MYO6: variants seen among roughly 807,000 people sequenced by gnomAD.
MYO6 encodes the protein myosin VI.
Under a neutral mutation model 178.7 loss-of-function variants are expected in MYO6, and 74 were observed. The observed-to-expected ratio is 0.41, with a 90% confidence interval of 0.34 to 0.50. MYO6 has a LOEUF of 0.50. MYO6 is among the 20% of genes least tolerant of loss of function. The probability of loss-of-function intolerance (pLI) is 0.09; values close to 1 mark genes in which losing one functional copy is unlikely to be tolerated. For missense variants in MYO6, 1,330 were observed against 1,547.4 expected (o/e 0.86, Z 2.36); for synonymous variants, 477 against 504.6 (o/e 0.95, Z 0.73).
At chr6:75,753,340 G>A (rs1226752658) in intron 1 of MYO6, among the ~76,000 whole-genome samples, 1 of 151,616 alleles carries the variant, frequency 6.6e-6, no homozygotes, top group Non-Finnish European at 1.5e-5. Flanking sequence ...AATATAAATT[G>A]GTAATAGATC....
Position 75,848,847 on chromosome 6 carries a change from A to G in MYO6, c.1078+316A>G, listed in dbSNP as rs77381325. Among the ~76,000 whole-genome samples the G allele has an allele frequency of 6.9e-3, 1,048 of 152,250 alleles. 8 individuals are homozygous for G. The highest frequency in any genetic ancestry group is 0.024 in the African/African-American group (988 of 41,556). The stretch of plus-strand genomic sequence containing the variant: ...TTTCCAGTTATATTACACTTTTCCA[A>G]TAGGTGAGAAGATTAATTCTCTATC... On this transcript the variant is annotated intron_variant, in intron 11 of 34. Coordinates refer to ENST00000369977, the MANE Select transcript of MYO6 (RefSeq NM_004999.4).
intron 14 of MYO6, among the ~76,000 whole-genome samples, chr6:75,859,204 C>A (rs933670031): frequency 1.3e-5 from 2 of 152,120 alleles, no homozygotes; most frequent in African/African-American, 2.4e-5. Context: ...CCGATAAAAA[C>A]CCTTAATAGG....
At chr6:75,836,126 C>A (rs993838372) in intron 7 of MYO6, among the ~76,000 whole-genome samples, 170 bp downstream of exon 7, 4 of 152,320 alleles carry the variant, frequency 2.6e-5, no homozygotes, top group Non-Finnish European at 5.9e-5. Flanking sequence ...TTTCTGCCCC[C>A]ACCCGCACCT....
intron 17 of MYO6, 89 bp downstream of exon 17, chr6:75,866,710 A>G: frequency 8.1e-7 from 1 of 1,230,040 alleles, no homozygotes; most frequent in Non-Finnish European, 1.2e-6. Flanking sequence ...GTTATTAATT[A>G]TTTCACGTGG....
chr6:75,754,519 CAAAAAAAA>C (rs58162315), intron 1 of MYO6, among the ~76,000 whole-genome samples: 1 of 44,180 alleles, frequency 2.3e-5, no homozygotes, highest in South Asian at 1.6e-3. Flanking sequence ...GACTCCGTCT[CAAAAAAAA>C]AAAAAAAAAA....
chr6:75,830,596 A>C (rs372771547), intron 5 of MYO6, 51 bp downstream of exon 5: 5 of 1,534,300 alleles, frequency 3.3e-6, no homozygotes, highest in Non-Finnish European at 4.5e-6. Flanking sequence ...ATATTGTACA[A>C]ATTTACTCAA....
intron 23 of MYO6, among the ~76,000 whole-genome samples, chr6:75,883,175 T>A: frequency 6.6e-6 from 1 of 151,262 alleles, no homozygotes; most frequent in East Asian, 1.9e-4. Flanking sequence ...AAATTAGAAC[T>A]CTCCAAAAAT....
chr6:75,906,237 C>CTG (rs386407606), intron 30 of MYO6, among the ~76,000 whole-genome samples: 135 of 125,408 alleles, frequency 1.1e-3, no homozygotes, highest in African/African-American at 3.3e-3. Context: ...TTAAACGCTT[C>CTG]TCGTTACCTT....
chr6:75,803,346 C>G (rs1769680314), intron 1 of MYO6, among the ~76,000 whole-genome samples: 1 of 151,692 alleles, frequency 6.6e-6, no homozygotes, highest in Non-Finnish European at 1.5e-5. Flanking sequence ...GTGGTGTTCA[C>G]TGTTTTAAGA....
intron 19 of MYO6, among the ~76,000 whole-genome samples, chr6:75,871,166 G>T (rs1562269169): frequency 6.6e-6 from 1 of 152,112 alleles, no homozygotes; most frequent in African/African-American, 2.4e-5. Flanking sequence ...AAACATCATA[G>T]AAAGAAATTA....
chr6:75,777,035 C>G (rs1766462526), intron 1 of MYO6, among the ~76,000 whole-genome samples: 1 of 152,050 alleles, frequency 6.6e-6, no homozygotes, highest in Admixed American at 6.6e-5. Context: ...TGTGGTTTTT[C>G]CTCTCTTAAC....
At chr6:75,887,485 T>C (rs1056214327) in intron 25 of MYO6, among the ~76,000 whole-genome samples, 3 of 150,508 alleles carry the variant, frequency 2.0e-5, no homozygotes, top group Non-Finnish European at 4.4e-5. Flanking sequence ...CTACTAAAAA[T>C]ACAAAACTAG....
chr6:75,848,278 T>A (rs1376063503), intron 10 of MYO6, 73 bp from the exon 11 acceptor site: 14 of 1,352,584 alleles, frequency 1.0e-5, no homozygotes, highest in Admixed American at 3.4e-5. Context: ...GTGCATTAAT[T>A]GACCTGGTGT....
intron 30 of MYO6, among the ~76,000 whole-genome samples, chr6:75,902,301 T>A (rs1779857826): frequency 6.6e-6 from 1 of 152,214 alleles, no homozygotes; most frequent in Admixed American, 6.5e-5. Context: ...GAAGGAATGG[T>A]ACCAGTTCCT....
In MYO6 at chr6:75,914,795, G is replaced by T; in HGVS notation, c.3659-18G>T. The T allele has an allele frequency of 1.2e-6, 2 of 1,612,298 alleles. No homozygotes were observed. The highest frequency in any genetic ancestry group is 1.7e-6 in the Non-Finnish European group (2 of 1,178,346). On this transcript the variant is annotated intron_variant, in intron 34 of 34. Transcript: ENST00000369977. ...CTGAAGAGAGAGATGGTAATTTTCT[G>T]ATATCTCATGAATACAGGTAAGGAC...
chr6:75,755,744 C>A (rs76139980), intron 1 of MYO6, among the ~76,000 whole-genome samples: 1 of 152,114 alleles, frequency 6.6e-6, no homozygotes, highest in Non-Finnish European at 1.5e-5. Context: ...TTATTTAAAA[C>A]GTACTGTAGT....
At chr6:75,765,730 T>C (rs1429650495) in intron 1 of MYO6, among the ~76,000 whole-genome samples, 1 of 151,376 alleles carries the variant, frequency 6.6e-6, no homozygotes, top group African/African-American at 2.4e-5. Flanking sequence ...CAGCAAGAAC[T>C]TCAAAAAAAA....
intron 17 of MYO6, 145 bp downstream of exon 17, chr6:75,866,766 A>AGCCACACTTCAGGTGCCCAGTG: frequency 2.9e-6 from 3 of 1,048,778 alleles, no homozygotes; most frequent in East Asian, 2.5e-5. Flanking sequence ...TCAGTACACT[A>AGCCACACTTCAGGTGCCCAGTG]GCCACACTTC....
chr6:75,819,261 AT>A (rs1771616968), intron 2 of MYO6, among the ~76,000 whole-genome samples: 1 of 152,186 alleles, frequency 6.6e-6, no homozygotes, highest in African/African-American at 2.4e-5. Flanking sequence ...GTTCTCAGAG[AT>A]TACCTTTAAT....
Sources: allele counts gnomAD v4.1 joint callset (sites outside exome capture counted in the v4.1 genomes callset), GRCh38; gene constraint gnomAD v4.1.1; transcripts MANE v1.5; gene names NCBI Gene and HGNC (gene_info 2026-07-23, HGNC 2026-07-21).